Variants in PACSIN2 observed in about 807,000 individuals in gnomAD.
The protein encoded by PACSIN2 is protein kinase C and casein kinase substrate in neurons protein 2.
PACSIN2 carries 25 observed loss-of-function variants against 63.8 expected under a neutral mutation model. The ratio of observed to expected loss-of-function variants is 0.39; its 90% CI spans 0.29 to 0.55. The LOEUF (loss-of-function observed/expected upper bound fraction) is 0.55. Ranked by LOEUF, PACSIN2 falls within the 20% of genes least tolerant of loss-of-function variation. PACSIN2 has a pLI of 0.62. For synonymous variants in PACSIN2, 255 were observed against 256.2 expected (o/e 1.00, Z 0.05); for missense variants, 518 against 646.9 (o/e 0.80, Z 2.16).
At chr22:42,946,069 C>T (rs1933406189) in intron 1 of PACSIN2, among the ~76,000 whole-genome samples, 1 of 152,244 alleles carries the variant, frequency 6.6e-6, no homozygotes. Context: ...CACCCCTTCA[C>T]ACACACTGTT....
At chr22:42,935,291 G>C (rs1421041503) in intron 1 of PACSIN2, among the ~76,000 whole-genome samples, 1 of 152,026 alleles carries the variant, frequency 6.6e-6, no homozygotes, top group Non-Finnish European at 1.5e-5. Flanking sequence ...TGATTATCGA[G>C]GACCTGCCTC....
chr22:42,897,157 G>A (rs566813920), intron 2 of PACSIN2, among the ~76,000 whole-genome samples: 1 of 152,180 alleles, frequency 6.6e-6, no homozygotes, highest in East Asian at 1.9e-4. Flanking sequence ...GGCTGGTCTT[G>A]AATTCCTGGG....
chr22:42,908,299 C>G (rs879669889), intron 2 of PACSIN2, among the ~76,000 whole-genome samples: 4 of 152,188 alleles, frequency 2.6e-5, no homozygotes, highest in Admixed American at 2.0e-4. Flanking sequence ...CCCCAAGGAG[C>G]CTTCAGAGAT....
intron 1 of PACSIN2, among the ~76,000 whole-genome samples, chr22:42,913,683 T>C (rs887268954): frequency 1.3e-5 from 2 of 152,178 alleles, no homozygotes; most frequent in Non-Finnish European, 2.9e-5. Flanking sequence ...TATTATTGCA[T>C]AGTAATTATG....
At chr22:42,977,564 C>A (rs1040427) in intron 1 of PACSIN2, among the ~76,000 whole-genome samples, 85,448 of 151,990 alleles carry the variant, frequency 0.56, 24,465 homozygotes, top group East Asian at 0.77. Flanking sequence ...AACAATACAA[C>A]ATCTAGCACT....
chr22:43,012,154 A>AATAAATAC lies in PACSIN2; in HGVS notation c.-78+2866_-78+2867insGTATTTAT, dbSNP rs766579102. Reference sequence around the variant, plus strand: ...GCGAGACTCTGTCTCAAAATAAATAAATACATACATACATACATACATACA... The same window carrying AATAAATAC: ...GCGAGACTCTGTCTCAAAATAAATAAATAAATACATACATACATACATACATACATACA... On this transcript the variant is annotated intron_variant, in intron 1 of 10. Transcript: ENST00000263246. 2.8e-3 allele frequency among the ~76,000 whole-genome samples: 376 copies of AATAAATAC among 133,998 alleles called. 3 individuals are homozygous for AATAAATAC. The highest frequency in any genetic ancestry group is 9.6e-3 in the African/African-American group (327 of 34,222). 87.9% of individuals were successfully genotyped at this position (133,998 alleles called of 152,430 possible). A position where few individuals can be genotyped will look rare whatever the true frequency, so the allele number is the denominator to read the frequency against.
chr22:42,902,039 C>A (rs1930728045), intron 2 of PACSIN2, among the ~76,000 whole-genome samples: 1 of 152,240 alleles, frequency 6.6e-6, no homozygotes, highest in Admixed American at 6.5e-5. Context: ...CACTCTCTTG[C>A]CACTGAGAGG....
chr22:42,995,604 G>A (rs1923342296), intron 1 of PACSIN2, among the ~76,000 whole-genome samples: 1 of 152,178 alleles, frequency 6.6e-6, no homozygotes, highest in Non-Finnish European at 1.5e-5. Context: ...CATTTCCAAT[G>A]TCATTCACGC....
chr22:42,968,755 G>A (rs2146862679), intron 1 of PACSIN2, among the ~76,000 whole-genome samples: 1 of 152,338 alleles, frequency 6.6e-6, no homozygotes, highest in East Asian at 1.9e-4. Flanking sequence ...GTCTATCAAT[G>A]TCCTGGAGCT....
At chr22:42,897,800 T>A (rs1418779306) in intron 2 of PACSIN2, among the ~76,000 whole-genome samples, 1 of 151,976 alleles carries the variant, frequency 6.6e-6, no homozygotes, top group Admixed American at 6.6e-5. Context: ...CAAGGACAGG[T>A]AGGAGGCTGG....
At chr22:42,952,944 G>A (rs1203415222) in intron 1 of PACSIN2, among the ~76,000 whole-genome samples, 1 of 152,164 alleles carries the variant, frequency 6.6e-6, no homozygotes, top group Non-Finnish European at 1.5e-5. Context: ...GGGATTACAG[G>A]CGTGAACCAC....
chr22:42,876,961 T>C lies in PACSIN2; in HGVS notation c.1078A>G (p.Ser360Gly), dbSNP rs780201779. The C allele has an allele frequency of 1.7e-5, 28 of 1,614,044 alleles. No homozygotes were observed. The highest frequency in any genetic ancestry group is 3.3e-5 in the Admixed American group (2 of 60,004). ...TCCTCATCCTCGAAGGGGTTGTAGC[T>C]GGACTGTGACTGCGCAGACTGGGCG... ...NPAQSAQSQS[S>G]YNPFEDEDDT... The change falls in exon 9 of 11, where the codon AGC (serine) becomes GGC (glycine). Residue 360 changes from serine to glycine, a missense_variant. By Grantham distance (56) the Ser-to-Gly change is moderately conservative (BLOSUM62 0). This residue lies in a region of PACSIN2 where 507 missense variants were observed against 612.3 expected (regional missense o/e 0.83). Transcript: ENST00000263246.
At chr22:42,881,448 G>A (rs1445529606) in intron 7 of PACSIN2, among the ~76,000 whole-genome samples, 4 of 152,182 alleles carry the variant, frequency 2.6e-5, no homozygotes, top group Non-Finnish European at 4.4e-5. Context: ...CTGCTGAGTC[G>A]GGGAAGCCAC....
intron 1 of PACSIN2, among the ~76,000 whole-genome samples, chr22:42,931,007 C>T (rs191390881): frequency 5.3e-5 from 8 of 152,336 alleles, no homozygotes; most frequent in Admixed American, 3.3e-4. Context: ...CATGCCAACC[C>T]GAGTCCAACA....
chr22:42,896,372 G>A (rs1418662993), intron 2 of PACSIN2, among the ~76,000 whole-genome samples: 8 of 54,952 alleles, frequency 1.5e-4, no homozygotes, highest in Admixed American at 1.4e-3. Flanking sequence ...AGTAGTATTC[G>A]ATTGTGTAGT....
chr22:42,956,455 G>A (rs1300987907), intron 1 of PACSIN2, among the ~76,000 whole-genome samples: 2 of 152,170 alleles, frequency 1.3e-5, no homozygotes, highest in East Asian at 3.8e-4. Flanking sequence ...TGTGACTATA[G>A]TGCCTTCAAA....
At chr22:42,938,924 C>A (rs982529743) in intron 1 of PACSIN2, among the ~76,000 whole-genome samples, 1 of 152,142 alleles carries the variant, frequency 6.6e-6, no homozygotes, top group African/African-American at 2.4e-5. Flanking sequence ...CATATAGTAA[C>A]CCTTAAAATA....
intron 1 of PACSIN2, among the ~76,000 whole-genome samples, chr22:43,006,080 A>G (rs2146925230): frequency 6.6e-6 from 1 of 152,278 alleles, no homozygotes; most frequent in Admixed American, 6.5e-5. Context: ...GGCATAAGCC[A>G]CTGCACTCAG....
At chr22:42,945,059 C>T (rs1175194630) in intron 1 of PACSIN2, among the ~76,000 whole-genome samples, 2 of 150,138 alleles carry the variant, frequency 1.3e-5, no homozygotes, top group East Asian at 3.9e-4. Flanking sequence ...GATCATACCA[C>T]TGTACTCTAG....
Sources: gnomAD v4.1 joint callset for allele counts (sites outside exome capture counted in the v4.1 genomes callset) on GRCh38, gnomAD v4.1.1 for gene constraint, gnomAD v4.1.1 regional missense constraint, MANE v1.5 for transcripts, NCBI Gene and HGNC (gene_info 2026-07-23, HGNC 2026-07-21) for gene names.